Variants in DNAAF5 observed in about 807,000 individuals in gnomAD.
DNAAF5 encodes dynein axonemal assembly factor 5.
Under a neutral mutation model 75.8 loss-of-function variants are expected in DNAAF5, and 64 were observed. The ratio of observed to expected loss-of-function variants is 0.84; its 90% confidence interval spans 0.69 to 1.04. The LOEUF (loss-of-function observed/expected upper bound fraction) is 1.04. DNAAF5 is among the 50% of genes least tolerant of loss of function. The pLI, the probability that DNAAF5 is intolerant of heterozygous loss-of-function variation, is 0.00. For synonymous variants in DNAAF5, 657 were observed against 557.2 expected (o/e 1.18, Z -2.52); for missense variants, 1,269 against 1,178.5 (o/e 1.08, Z -1.12).
chr7:770,901 G>C (rs975483130), intron 9 of DNAAF5: 1 of 368,864 alleles, frequency 2.7e-6, no homozygotes, highest in African/African-American at 2.0e-5. Context: ...TGAGGTGGGC[G>C]TGTGCAGTGA....
chr7:736,050 A>G (rs771899444), intron 2 of DNAAF5, among the ~76,000 whole-genome samples: 2 of 152,140 alleles, frequency 1.3e-5, no homozygotes, highest in African/African-American at 4.8e-5. Flanking sequence ...TTTAATTTCC[A>G]TGTATTTGTG....
At chr7:743,425 G>C (rs1220484973) in intron 4 of DNAAF5, among the ~76,000 whole-genome samples, 1 of 151,946 alleles carries the variant, frequency 6.6e-6, no homozygotes, top group Non-Finnish European at 1.5e-5. Context: ...ATTGATGTTT[G>C]GTGCCCTGTT....
At chr7:738,865 G>A (rs1267321208) in intron 2 of DNAAF5, among the ~76,000 whole-genome samples, 3 of 152,210 alleles carry the variant, frequency 2.0e-5, no homozygotes, top group South Asian at 2.1e-4. Context: ...ACAGGTGGCC[G>A]TCCTGGGTGG....
At chr7:779,469 G>C (rs1368107883) in intron 11 of DNAAF5, among the ~76,000 whole-genome samples, 1 of 152,192 alleles carries the variant, frequency 6.6e-6, no homozygotes, top group Non-Finnish European at 1.5e-5. Flanking sequence ...CTACCCATCG[G>C]GAAGGATCAT....
intron 4 of DNAAF5, among the ~76,000 whole-genome samples, chr7:745,738 A>G (rs1782079184): frequency 6.6e-6 from 1 of 152,244 alleles, no homozygotes; most frequent in Non-Finnish European, 1.5e-5. Flanking sequence ...GTGTGCACAT[A>G]CATGTACACA....
In DNAAF5 at chr7:729,690, T is replaced by C. The variant is rs377581183; in HGVS notation, c.623T>C (p.Leu208Pro). 133 of 1,613,916 alleles carry C rather than the reference T, an allele frequency of 8.2e-5. No homozygotes were observed. Among genetic ancestry groups the C allele is most frequent in the Non-Finnish European group, 1.1e-4 (128 of 1,180,020 alleles). Residue 208 changes from leucine (L) to proline (P), a missense_variant, in exon 2 of 13, where the codon CTG becomes CCG. Transcript: ENST00000297440. ...PDHFHMQSES[L>P]IGPLMQTISH... is the part of the protein sequence containing the mutation. ...CACTTCCACATGCAGTCGGAGTCTC[T>C]GATCGGGCCCCTGATGCAGACCATC...
rs1562382045 is a variant in DNAAF5, at chr7:746,383, CAGGGCCT to C, written c.1024+4919_1024+4925del. On this transcript the variant is annotated intron_variant, in intron 4 of 12. Transcript: ENST00000297440. ...CCTGCTGCCCCCCACCCAACATGCC[CAGGGCCT>C]GTGACGCCCTCCTTACCGTCCTGCT... Among the ~76,000 whole-genome samples the C allele has an allele frequency of 2.5e-4, 22 of 88,426 alleles. 2 individuals are homozygous for C. The highest frequency in any genetic ancestry group is 6.6e-4 in the Admixed American group (6 of 9,100). The allele number at this position is 88,426 out of a possible 152,430, so 58.0% of individuals were successfully genotyped here.
chr7:774,982 G>A lies in DNAAF5; in HGVS notation c.2083-24G>A. 5 of 1,613,284 alleles carry A rather than the reference G, an allele frequency of 3.1e-6. No homozygotes were observed. In the South Asian group the frequency reaches 3.3e-5, roughly 11 times the overall value. ...CCACCCCAGGACAGATGTGAGTCAC[G>A]TCGTATGTGTTTGCTGATTGCAGAT... On this transcript the variant is annotated intron_variant, in intron 10 of 12. Coordinates refer to ENST00000297440, the MANE Select transcript of DNAAF5 (RefSeq NM_017802.4).
rs113450580 is a variant in DNAAF5, at chr7:775,065, G to C, written c.2142G>C (p.Ser714=). The change falls in exon 11 of 13, where the codon TCG becomes TCC. Residue 714 remains serine (S), a synonymous_variant. Transcript: ENST00000297440. The part of the protein sequence containing the change: ...PQVLTTLEED[S]KMTRLISCRI... Reference sequence around the variant, plus strand: ...TCCTGACCACCCTGGAGGAGGATTCGAAGATGACGCGACTGATCTCATGCC... The same window carrying C: ...TCCTGACCACCCTGGAGGAGGATTCCAAGATGACGCGACTGATCTCATGCC... The C allele has an allele frequency of 1.9e-6, 3 of 1,614,078 alleles. No individual in the cohort carries two copies. The highest frequency in any genetic ancestry group is 1.7e-6 in the Non-Finnish European group (2 of 1,180,018).
rs771397561 is a variant in DNAAF5 at position 729,772 on chromosome 7, C to G, written c.705C>G (p.Ile235Met). ...VAAIEATGAV[I>M]HFGNGKSVDD... ...CCATTGAAGCCACAGGCGCAGTGAT[C>G]CATTTTGGCAACGGGAAGTCCGTGG... Residue 235 changes from isoleucine (I) to methionine (M), a missense_variant, in exon 2 of 13, where the codon ATC becomes ATG. Transcript: ENST00000297440. The G allele has an allele frequency of 1.1e-5, 17 of 1,614,116 alleles. No individual in the cohort carries two copies. The highest frequency in any genetic ancestry group is 4.4e-5 in the South Asian group (4 of 91,084).
At chr7:741,914 T>C (rs1161921404) in intron 4 of DNAAF5, among the ~76,000 whole-genome samples, 1 of 152,124 alleles carries the variant, frequency 6.6e-6, no homozygotes, top group Non-Finnish European at 1.5e-5. Context: ...ACGGGTGAGG[T>C]GAGGTCTTCT....
chr7:765,614 G>A (rs77498270), intron 8 of DNAAF5, among the ~76,000 whole-genome samples: 2,317 of 152,242 alleles, frequency 0.015, 41 homozygotes, highest in East Asian at 0.12. Context: ...CATCTCTTTG[G>A]GCCCACATCT....
chr7:753,091 C>T (rs1181410465), intron 4 of DNAAF5, among the ~76,000 whole-genome samples: 1 of 152,232 alleles, frequency 6.6e-6, no homozygotes, highest in Admixed American at 6.5e-5. Context: ...CGCGGACTGG[C>T]TCAAACACTT....
At chr7:757,481 TCA>T (rs1782524354) in intron 6 of DNAAF5, among the ~76,000 whole-genome samples, 2 of 151,118 alleles carry the variant, frequency 1.3e-5, no homozygotes, top group Admixed American at 6.6e-5. Flanking sequence ...TCGCACGTCC[TCA>T]GGGGGCACTG....
chr7:776,684 T>C (rs947971008), intron 11 of DNAAF5, among the ~76,000 whole-genome samples: 1 of 152,086 alleles, frequency 6.6e-6, no homozygotes, highest in Non-Finnish European at 1.5e-5. Context: ...GTGGTTGGCT[T>C]GAAGCCCCCG....
At chr7:775,235 C>A in intron 11 of DNAAF5, 73 bp downstream of exon 11, 1 of 1,402,270 alleles carries the variant, frequency 7.1e-7, no homozygotes. Context: ...CCGTTTGCAT[C>A]CATGGAGTCA....
intron 11 of DNAAF5, among the ~76,000 whole-genome samples, chr7:776,222 G>C (rs1778756820): frequency 6.6e-6 from 1 of 152,076 alleles, no homozygotes; most frequent in Admixed American, 6.6e-5. Flanking sequence ...TGTAGTTCCA[G>C]CTACTCAGGA....
At position 763,906 on chromosome 7, in the gene DNAAF5, C is replaced by G; in HGVS notation, c.1715C>G (p.Ala572Gly). The G allele has an allele frequency of 3.1e-6, 5 of 1,612,170 alleles. No homozygotes were observed. The highest frequency in any genetic ancestry group is 4.2e-6 in the Non-Finnish European group (5 of 1,180,040). Residue 572 changes from alanine (A) to glycine (G), a missense_variant, in exon 8 of 13, where the codon GCG becomes GGG. Physicochemically the swap from Ala to Gly is moderately conservative, Grantham distance 60. Coordinates refer to ENST00000297440, the MANE Select transcript of DNAAF5 (RefSeq NM_017802.4). ...HIGPLLERVT[A>G]SHLDWTAHSP... ...GGTCCCCTCCTGGAGCGGGTGACCG[C>G]GTCGCACCTTGACTGGACCGCACAC...
intron 9 of DNAAF5, among the ~76,000 whole-genome samples, chr7:773,434 T>C (rs528687279): frequency 1.4e-4 from 22 of 152,208 alleles, no homozygotes; most frequent in African/African-American, 5.1e-4. Flanking sequence ...CATTTTGCTT[T>C]GAGTTTGTCT....
Sources: gnomAD v4.1 joint callset for allele counts (sites outside exome capture counted in the v4.1 genomes callset) on GRCh38, gnomAD v4.1.1 for gene constraint, MANE v1.5 for transcripts, NCBI Gene and HGNC (gene_info 2026-07-23, HGNC 2026-07-21) for gene names.